Variants in TIAM2 observed in about 807,000 individuals in gnomAD.
TIAM2 encodes the protein TIAM Rac1 associated GEF 2.
Under a neutral mutation model 152.9 loss-of-function variants are expected in TIAM2, and 80 were observed. The ratio of observed to expected loss-of-function variants is 0.52; its 90% CI spans 0.44 to 0.63. The LOEUF is 0.63. Ranked by LOEUF, TIAM2 falls within the 30% of genes least tolerant of loss-of-function variation. The pLI, the probability that TIAM2 is intolerant of heterozygous loss-of-function variation, is 0.00. For missense variants in TIAM2, 1,965 were observed against 2,120.1 expected (o/e 0.93, Z 1.44); for synonymous variants, 804 against 838.0 (o/e 0.96, Z 0.70).
At chr6:155,167,176 T>C (rs1427571492) in intron 9 of TIAM2, among the ~76,000 whole-genome samples, 1 of 152,184 alleles carries the variant, frequency 6.6e-6, no homozygotes, top group African/African-American at 2.4e-5. Flanking sequence ...TATACTCATA[T>C]ACAAAAATAA....
chr6:155,218,943 G>A lies in TIAM2; in HGVS notation c.3168+7636G>A, dbSNP rs1460085493. Among the ~76,000 whole-genome samples, 1 of 139,618 alleles carries A rather than the reference G, an allele frequency of 7.2e-6. No homozygotes were observed. The highest frequency in any genetic ancestry group is 2.7e-5 in the African/African-American group (1 of 36,550). 91.6% of individuals were successfully genotyped at this position (139,618 alleles called of 152,430 possible). On this transcript the variant is annotated intron_variant, in intron 15 of 26. Transcript: ENST00000682666. The surrounding 1 kb of genome is among the most constrained non-coding windows in gnomAD (Gnocchi z 4.5). ...AGCCGTGTTCTTGACCATCTCAGCC[G>A]CCCACCCGTGTTCTTGACCATCTCA...
intron 9 of TIAM2, among the ~76,000 whole-genome samples, chr6:155,170,057 TC>T (rs931840733): frequency 6.6e-6 from 1 of 152,122 alleles, no homozygotes. Flanking sequence ...GACGTCGCGA[TC>T]CACCCACCTC....
Position 155,183,433 on chromosome 6 carries a change from G to A in TIAM2, c.2997G>A (p.Leu999=), listed in dbSNP as rs779507504. 2.4e-5 allele frequency: 38 copies of A among 1,614,086 alleles called. No individual in the cohort carries two copies. In the East Asian group the frequency reaches 8.2e-4, roughly 35 times the overall value. The change falls in exon 14 of 27, where the codon CTG becomes CTA. Residue 999 remains leucine, a synonymous_variant. Coordinates refer to ENST00000682666, the MANE Select transcript of TIAM2 (RefSeq NM_012454.4). The stretch of plus-strand genomic sequence containing the variant: ...TCTCCAGGGACCAGAAGAGTCTGCT[G>A]CCCCCTCCTAACCAGTCCCAACTGC... ...DLFSRDQKSL[L]PPPNQSQLLE...
chr6:155,226,695 A>T (rs1193333673), intron 15 of TIAM2, among the ~76,000 whole-genome samples: 1 of 152,144 alleles, frequency 6.6e-6, no homozygotes, highest in Non-Finnish European at 1.5e-5. Flanking sequence ...GGAAGAAAAA[A>T]AGATTGCAGA....
At chr6:155,001,232 C>T (rs1778307453) in intron 1 of TIAM2, among the ~76,000 whole-genome samples, 1 of 152,048 alleles carries the variant, frequency 6.6e-6, no homozygotes, top group African/African-American at 2.4e-5. Flanking sequence ...AGGCTGCTCA[C>T]CCATATGACA....
At chr6:155,252,918 C>G (rs1342700362) in intron 23 of TIAM2, 30 bp from the exon 24 acceptor site, 1 of 1,591,268 alleles carries the variant, frequency 6.3e-7, no homozygotes, top group Admixed American at 1.7e-5. Flanking sequence ...GCTTCCCTAA[C>G]ACTTTTCTTG....
At chr6:155,159,586 T>G (rs142158147) in intron 7 of TIAM2, among the ~76,000 whole-genome samples, 1 of 152,320 alleles carries the variant, frequency 6.6e-6, no homozygotes, top group East Asian at 1.9e-4. Flanking sequence ...AATTTCATTG[T>G]GAATGTTAAC....
intron 18 of TIAM2, 59 bp from the exon 19 acceptor site, chr6:155,245,564 T>C (rs1783269246): frequency 7.1e-7 from 1 of 1,412,528 alleles, no homozygotes; most frequent in African/African-American, 1.4e-5. Context: ...TCAAATGCCA[T>C]AAGCCAGCAC....
At chr6:155,054,589 T>TC (rs914667773) in intron 1 of TIAM2, among the ~76,000 whole-genome samples, 4 of 109,420 alleles carry the variant, frequency 3.7e-5, no homozygotes, top group African/African-American at 1.3e-4. Context: ...TTTGTTTTGT[T>TC]TTTTTTTTTT....
At chr6:155,176,778 C>G (rs1330775846) in intron 9 of TIAM2, 38 bp from the exon 10 acceptor site, 4 of 1,599,156 alleles carry the variant, frequency 2.5e-6, no homozygotes, top group Non-Finnish European at 3.4e-6. Flanking sequence ...ATTTGTTAAT[C>G]AAATTTGTCT....
chr6:155,083,348 CA>C (rs574203207), intron 1 of TIAM2, among the ~76,000 whole-genome samples: 1,808 of 89,910 alleles, frequency 0.02, 22 homozygotes, highest in African/African-American at 0.059. Flanking sequence ...GACTTTATCT[CA>C]AAAAAAAAAA....
intron 2 of TIAM2, among the ~76,000 whole-genome samples, chr6:155,097,310 TTTGTTGA>T (rs1778436422): frequency 6.6e-6 from 1 of 152,120 alleles, no homozygotes; most frequent in Admixed American, 6.5e-5. Context: ...GTCTCTTTAG[TTTGTTGA>T]TTGTTCCCTT....
At chr6:155,062,678 A>G (rs1032124290) in intron 1 of TIAM2, among the ~76,000 whole-genome samples, 2 of 150,494 alleles carry the variant, frequency 1.3e-5, no homozygotes, top group Non-Finnish European at 2.9e-5. Context: ...ACCTGAGTTC[A>G]TGCGATTCTC....
intron 19 of TIAM2, 23 bp downstream of exon 19, chr6:155,245,754 A>ATTTTTTTTTT: frequency 1.8e-6 from 1 of 562,922 alleles, no homozygotes; most frequent in Non-Finnish European, 2.5e-6. Context: ...TGCCTTTTAT[A>ATTTTTTTTTT]GTTTTTTTTT....
intron 2 of TIAM2, among the ~76,000 whole-genome samples, chr6:155,092,064 G>GC (rs1554229613): frequency 6.9e-6 from 1 of 144,024 alleles, no homozygotes; most frequent in African/African-American, 2.6e-5. Flanking sequence ...GGCCCGGCTA[G>GC]TTTTTTTTAT....
At chr6:155,045,840 C>CTTTT (rs11354850) in intron 1 of TIAM2, among the ~76,000 whole-genome samples, 2,241 of 60,040 alleles carry the variant, frequency 0.037, 8 homozygotes, top group African/African-American at 0.044. Flanking sequence ...ATAGTGCCCT[C>CTTTT]TTTTTTTTTT....
intron 22 of TIAM2, among the ~76,000 whole-genome samples, 187 bp downstream of exon 22, chr6:155,251,208 T>C (rs1783636239): frequency 6.6e-6 from 1 of 152,246 alleles, no homozygotes; most frequent in South Asian, 2.1e-4. Flanking sequence ...CTCATTATCT[T>C]GTTCTCCCTT....
At chr6:155,117,562 C>A (rs1583199086) in intron 2 of TIAM2, among the ~76,000 whole-genome samples, 3 of 152,206 alleles carry the variant, frequency 2.0e-5, no homozygotes, top group African/African-American at 7.2e-5. Context: ...CCTGTCTCAG[C>A]CTCCCGAGTA....
At chr6:155,202,247 C>T (rs1003575616) in intron 14 of TIAM2, among the ~76,000 whole-genome samples, 3 of 152,082 alleles carry the variant, frequency 2.0e-5, no homozygotes, top group Admixed American at 1.3e-4. Flanking sequence ...CATTCTCTTT[C>T]ACTGACTGAT....
Sources: gnomAD v4.1 joint callset for allele counts (sites outside exome capture counted in the v4.1 genomes callset) on GRCh38, gnomAD v4.1.1 for gene constraint, Gnocchi (gnomAD v3.1) non-coding constraint, MANE v1.5 for transcripts, NCBI Gene and HGNC (gene_info 2026-07-23, HGNC 2026-07-21) for gene names.